RALGAPB: variants seen among roughly 807,000 people sequenced by gnomAD.
RALGAPB encodes the protein Ral GTPase activating protein non-catalytic subunit beta.
In RALGAPB, 25 loss-of-function variants were observed where a neutral mutation model predicts 161.1. That is an observed-to-expected ratio of 0.16 (90% CI 0.11 to 0.22). The LOEUF is 0.22. Among genes scored for constraint, RALGAPB ranks in the 10% least tolerant of loss-of-function variants. The pLI, the probability that RALGAPB is intolerant of heterozygous loss-of-function variation, is 1.00. For missense variants in RALGAPB, 1,391 were observed against 1,815.2 expected (o/e 0.77, Z 4.25); for synonymous variants, 629 against 626.1 (o/e 1.00, Z -0.07).
intron 20 of RALGAPB, among the ~76,000 whole-genome samples, chr20:38,549,011 C>G (rs1459815650): frequency 1.3e-5 from 2 of 152,148 alleles, no homozygotes. Context: ...TTTCAAAAAG[C>G]TTTCCAGGTG....
intron 2 of RALGAPB, among the ~76,000 whole-genome samples, chr20:38,489,142 T>A (rs2085205614): frequency 6.6e-6 from 1 of 152,178 alleles, no homozygotes; most frequent in Non-Finnish European, 1.5e-5. Flanking sequence ...GCCAAGCCCT[T>A]CTGGCCTAAG....
In RALGAPB at chr20:38,520,578, G is replaced by A. The variant is rs540081879; in HGVS notation, c.1418-919G>A. 9.2e-5 allele frequency among the ~76,000 whole-genome samples: 11 copies of A among 119,608 alleles called. No individual in the cohort carries two copies. In the South Asian group the frequency reaches 2.5e-3, roughly 27 times the overall value. The allele number at this position is 119,608 out of a possible 152,430, so 78.5% of individuals were successfully genotyped here. The stretch of plus-strand genomic sequence containing the variant: ...TTAAGCTTATTTTTATACAGATTTA[G>A]TGTTTGATTTGTATGCATTCTGCAT... On this transcript the variant is annotated intron_variant, in intron 9 of 29. Coordinates refer to ENST00000262879, the MANE Select transcript of RALGAPB (RefSeq NM_020336.4).
At chr20:38,490,446 G>T (rs2085246841) in intron 2 of RALGAPB, among the ~76,000 whole-genome samples, 1 of 151,460 alleles carries the variant, frequency 6.6e-6, no homozygotes, top group Admixed American at 6.6e-5. Flanking sequence ...CTGACCTCGT[G>T]ATCTGCCCGC....
Position 38,564,392 on chromosome 20 carries a change from C to G in RALGAPB, c.3698-967C>G, listed in dbSNP as rs190639600. On this transcript the variant is annotated intron_variant, in intron 24 of 29. Transcript: ENST00000262879. Reference sequence around the variant, plus strand: ...TCTGGTCCTTTACAGAAAAAGTTTGCTAACCTCTTGTCTAAAGCTTCCTAT... The same window carrying G: ...TCTGGTCCTTTACAGAAAAAGTTTGGTAACCTCTTGTCTAAAGCTTCCTAT... Among the ~76,000 whole-genome samples the G allele has an allele frequency of 9.2e-5, 14 of 152,294 alleles. No homozygotes were observed. In the East Asian group the frequency reaches 2.5e-3, roughly 27 times the overall value.
intron 1 of RALGAPB, among the ~76,000 whole-genome samples, chr20:38,483,189 TTATTC>T (rs1568897347): frequency 6.6e-6 from 1 of 152,222 alleles, no homozygotes; most frequent in African/African-American, 2.4e-5. Context: ...ATACCTGGCC[TTATTC>T]TATTATTATC....
At chr20:38,520,920 C>A (rs1225264356) in intron 9 of RALGAPB, among the ~76,000 whole-genome samples, 1 of 152,026 alleles carries the variant, frequency 6.6e-6, no homozygotes, top group African/African-American at 2.4e-5. Context: ...TGTTAAAATT[C>A]ATTCTCATTT....
chr20:38,476,445 C>G (rs1403530223), intron 1 of RALGAPB, among the ~76,000 whole-genome samples: 2 of 152,202 alleles, frequency 1.3e-5, no homozygotes, highest in Non-Finnish European at 2.9e-5. Flanking sequence ...ACCTCCAGGA[C>G]TAGAAAGCAG....
At chr20:38,482,507 A>G (rs1471747753) in intron 1 of RALGAPB, among the ~76,000 whole-genome samples, 1 of 147,562 alleles carries the variant, frequency 6.8e-6, no homozygotes, top group Admixed American at 7.0e-5. Flanking sequence ...GGCTCACTGA[A>G]ACCTCACCCT....
chr20:38,549,210 G>A (rs1182827897), intron 20 of RALGAPB, among the ~76,000 whole-genome samples: 2 of 151,978 alleles, frequency 1.3e-5, no homozygotes, highest in African/African-American at 4.8e-5. Flanking sequence ...TATAATAATT[G>A]GTAATATATT....
chr20:38,553,777 C>CAAAAAAAAAA lies in RALGAPB; in HGVS notation c.3163-75_3163-66dup, dbSNP rs35778032. The CAAAAAAAAAA allele has an allele frequency of 6.1e-5, 17 of 278,812 alleles. 1 individual carries two copies. The highest frequency in any genetic ancestry group is 1.9e-4 in the African/African-American group (5 of 25,764). The allele number at this position is 278,812 out of a possible 1,614,324, so 17.3% of individuals were successfully genotyped here. On this transcript the variant is annotated intron_variant, in intron 21 of 29. Coordinates refer to ENST00000262879, the MANE Select transcript of RALGAPB (RefSeq NM_020336.4). ...GCTTGGTCAACATAGAGCCCAGTCT[C>CAAAAAAAAAA]AAAAAAAAAAAAAAAAAAAAAAAAC...
At chr20:38,484,054 C>A (rs1206326172) in intron 1 of RALGAPB, among the ~76,000 whole-genome samples, 1 of 152,022 alleles carries the variant, frequency 6.6e-6, no homozygotes, top group African/African-American at 2.4e-5. Flanking sequence ...TGGTGGGCGC[C>A]TGTAGTCCCA....
Position 38,557,903 on chromosome 20 carries a change from C to T in RALGAPB, c.3373-392C>T, listed in dbSNP as rs558077077. Among the ~76,000 whole-genome samples the T allele has an allele frequency of 1.4e-4, 21 of 152,318 alleles. No individual in the cohort carries two copies. The Middle Eastern group carries it at 0.01, about 74-fold the overall frequency. ...AAAATACCAAGGTGTGCAGTTGCTG[C>T]ATTGCATGGTAAGACTGTGTTTGGC... On this transcript the variant is annotated intron_variant, in intron 22 of 29. Coordinates refer to ENST00000262879, the MANE Select transcript of RALGAPB (RefSeq NM_020336.4).
chr20:38,547,891 T>TCC (rs1424464496), intron 19 of RALGAPB: 1 of 152,184 alleles, frequency 6.6e-6, no homozygotes, highest in African/African-American at 2.4e-5. Context: ...GTCTGCAAAA[T>TCC]CCCAGTGTCC....
intron 1 of RALGAPB, among the ~76,000 whole-genome samples, chr20:38,473,723 C>T (rs1433171765): frequency 1.3e-5 from 2 of 152,190 alleles, no homozygotes; most frequent in Non-Finnish European, 2.9e-5. Context: ...CAGTGGCTCT[C>T]CAACTTTGCT....
chr20:38,558,479 T>G (rs74477626), intron 23 of RALGAPB, 26 bp downstream of exon 23: 3 of 1,487,578 alleles, frequency 2.0e-6, no homozygotes, highest in Non-Finnish European at 1.8e-6. Context: ...TTTTTTTTTT[T>G]GGTATGTTTT....
chr20:38,478,594 T>C (rs1012322672), intron 1 of RALGAPB, among the ~76,000 whole-genome samples: 1 of 151,274 alleles, frequency 6.6e-6, no homozygotes, highest in Non-Finnish European at 1.5e-5. Flanking sequence ...CTAATTTTTT[T>C]ATTTTTATTA....
At position 38,517,787 on chromosome 20, in the gene RALGAPB, A is replaced by G. The variant is rs779064210; in HGVS notation, c.1204A>G (p.Ser402Gly). The G allele has an allele frequency of 3.7e-6, 6 of 1,611,226 alleles. No individual in the cohort carries two copies. In the South Asian group the frequency reaches 6.6e-5, roughly 18 times the overall value. The stretch of plus-strand genomic sequence containing the variant: ...TATTCTTGTGTTCGTCTAATAGGTT[A>G]GTACTGCTCATGCCTCTAAAGTTCA... ...NKATMKTSTV[S>G]TAHASKVQHQ... is the part of the protein sequence containing the mutation. Residue 402 changes from serine to glycine, a missense_variant, in exon 9 of 30, where the codon AGT becomes GGT. Physicochemically the swap from Ser to Gly is moderately conservative, Grantham distance 56 (BLOSUM62 0). Coordinates refer to ENST00000262879, the MANE Select transcript of RALGAPB (RefSeq NM_020336.4).
intron 26 of RALGAPB, among the ~76,000 whole-genome samples, chr20:38,568,020 A>G (rs1390019464): frequency 6.6e-6 from 1 of 152,216 alleles, no homozygotes; most frequent in Non-Finnish European, 1.5e-5. Flanking sequence ...TACAGTTTAG[A>G]GATGATCAGT....
chr20:38,476,394 C>T (rs1054511503), intron 1 of RALGAPB, among the ~76,000 whole-genome samples: 7 of 152,124 alleles, frequency 4.6e-5, no homozygotes, highest in East Asian at 3.8e-4. Context: ...TTTATAGATG[C>T]GGAAAGTAAC....
Sources: gnomAD v4.1 joint callset for allele counts (sites outside exome capture counted in the v4.1 genomes callset) on GRCh38, gnomAD v4.1.1 for gene constraint, MANE v1.5 for transcripts, NCBI Gene and HGNC (gene_info 2026-07-23, HGNC 2026-07-21) for gene names.